Variants in NCKAP5 observed in about 807,000 individuals in gnomAD.
NCKAP5 encodes the protein NCK associated protein 5.
Under a neutral mutation model 167.0 loss-of-function variants are expected in NCKAP5, and 92 were observed. That is an observed-to-expected ratio of 0.55 (90% CI 0.47 to 0.66). NCKAP5 has a LOEUF of 0.66. NCKAP5 is among the 30% of genes least tolerant of loss of function. The pLI is 0.00. For synonymous variants in NCKAP5, 891 were observed against 877.4 expected (o/e 1.02, Z -0.27); for missense variants, 2,378 against 2,315.0 (o/e 1.03, Z -0.56).
intron 16 of NCKAP5, among the ~76,000 whole-genome samples, chr2:132,737,631 C>T (rs1390984125): frequency 6.6e-6 from 1 of 152,154 alleles, no homozygotes; most frequent in Non-Finnish European, 1.5e-5. Flanking sequence ...CTCCCTACTC[C>T]CAGCTGCCTC....
At chr2:133,631,210 A>T in the NCKAP5 span, among the ~76,000 whole-genome samples, 1 of 152,258 alleles carries the variant, frequency 6.6e-6, no homozygotes, top group Admixed American at 6.5e-5. Flanking sequence ...TATGGGTTAT[A>T]TCACAAATGG....
chr2:133,162,828 A>G (rs2083852559), intron 5 of NCKAP5, among the ~76,000 whole-genome samples: 1 of 152,202 alleles, frequency 6.6e-6, no homozygotes, highest in African/African-American at 2.4e-5. Context: ...CAGTTAAAAT[A>G]ACTGTGTGTT....
At chr2:132,831,686 G>A (rs1252082471) in intron 11 of NCKAP5, among the ~76,000 whole-genome samples, 7 of 151,600 alleles carry the variant, frequency 4.6e-5, no homozygotes, top group African/African-American at 7.3e-5. Flanking sequence ...CTTTATTTAC[G>A]ATGTCTTTTG....
At chr2:133,297,151 T>TA (rs1259519815) in intron 4 of NCKAP5, among the ~76,000 whole-genome samples, 5 of 150,924 alleles carry the variant, frequency 3.3e-5, no homozygotes, top group African/African-American at 9.8e-5. Flanking sequence ...CCTGAACTAG[T>TA]ATACAGGTTG....
intron 3 of NCKAP5, among the ~76,000 whole-genome samples, chr2:133,421,241 C>T (rs1220140360): frequency 6.6e-6 from 1 of 152,166 alleles, no homozygotes; most frequent in Non-Finnish European, 1.5e-5. Context: ...TTGTCTAATG[C>T]AGTTTTCCCT....
At chr2:133,518,350 T>A (rs1040497715) in intron 2 of NCKAP5, among the ~76,000 whole-genome samples, 2 of 112,880 alleles carry the variant, frequency 1.8e-5, no homozygotes, top group African/African-American at 6.6e-5. Flanking sequence ...AAGGATTTTT[T>A]TTTTTTTTTT....
chr2:132,802,662 G>A (rs1415384607), intron 11 of NCKAP5, among the ~76,000 whole-genome samples: 2 of 152,202 alleles, frequency 1.3e-5, no homozygotes, highest in African/African-American at 4.8e-5. Flanking sequence ...ACATAATCAG[G>A]TGAATAAGCT....
At chr2:133,470,819 C>T (rs938061915) in intron 3 of NCKAP5, among the ~76,000 whole-genome samples, 1 of 152,254 alleles carries the variant, frequency 6.6e-6, no homozygotes, top group Non-Finnish European at 1.5e-5. Flanking sequence ...AAAGGGAACT[C>T]CCTGACCCCT....
chr2:132,965,904 T>TTGTGTGTGTGTGTGTGTG (rs60589235), intron 7 of NCKAP5, among the ~76,000 whole-genome samples: 11 of 140,958 alleles, frequency 7.8e-5, no homozygotes, highest in African/African-American at 2.9e-4. Flanking sequence ...ACATGACTCT[T>TTGTGTGTGTGTGTGTGTG]TGTGTGTGTG....
chr2:133,427,226 G>T (rs1689869447), intron 3 of NCKAP5, among the ~76,000 whole-genome samples: 1 of 152,128 alleles, frequency 6.6e-6, no homozygotes, highest in Admixed American at 6.6e-5. Context: ...TAAAGACTAA[G>T]ATAACAGACA....
At chr2:133,261,843 C>T (rs1366149890) in intron 4 of NCKAP5, among the ~76,000 whole-genome samples, 2 of 152,124 alleles carry the variant, frequency 1.3e-5, no homozygotes, top group African/African-American at 4.8e-5. Context: ...TAGCTCTGAA[C>T]TAAAATGCTA....
chr2:133,608,552 A>G, the NCKAP5 span, among the ~76,000 whole-genome samples: 2 of 152,202 alleles, frequency 1.3e-5, no homozygotes, highest in African/African-American at 4.8e-5. Context: ...GAGTGACTCT[A>G]CATTAGTCAG....
the NCKAP5 span, among the ~76,000 whole-genome samples, chr2:133,663,384 C>T: frequency 3.9e-5 from 6 of 151,916 alleles, no homozygotes; most frequent in Non-Finnish European, 8.8e-5. Flanking sequence ...CAGGGTGGCG[C>T]TTTCTGAAGG....
At chr2:133,389,934 T>G (rs1000911789) in intron 3 of NCKAP5, among the ~76,000 whole-genome samples, 1 of 152,192 alleles carries the variant, frequency 6.6e-6, no homozygotes, top group Non-Finnish European at 1.5e-5. Flanking sequence ...GAGCAGAGCT[T>G]CCAGGCCACC....
chr2:132,681,465 C>T (rs780347420), intron 19 of NCKAP5, among the ~76,000 whole-genome samples: 14 of 151,482 alleles, frequency 9.2e-5, no homozygotes, highest in Non-Finnish European at 1.3e-4. Flanking sequence ...ATAAAAAGTC[C>T]GTGAACTTTT....
chr2:133,486,669 T>A (rs1212011209), intron 3 of NCKAP5, among the ~76,000 whole-genome samples: 1 of 152,214 alleles, frequency 6.6e-6, no homozygotes, highest in East Asian at 1.9e-4. Flanking sequence ...ATTTTGACTC[T>A]GTGACAGCTT....
chr2:133,532,246 G>A (rs1186881642), intron 2 of NCKAP5, among the ~76,000 whole-genome samples: 1 of 152,208 alleles, frequency 6.6e-6, no homozygotes, highest in East Asian at 1.9e-4. Context: ...CCAAAAGAAT[G>A]GGTATTAGTT....
At chr2:133,051,324 T>C (rs991184637) in intron 6 of NCKAP5, among the ~76,000 whole-genome samples, 1 of 152,174 alleles carries the variant, frequency 6.6e-6, no homozygotes, top group African/African-American at 2.4e-5. Flanking sequence ...GTAACTTTCT[T>C]ATACTGAACA....
At chr2:133,178,543 A>T (rs1232472729) in intron 5 of NCKAP5, among the ~76,000 whole-genome samples, 4 of 122,558 alleles carry the variant, frequency 3.3e-5, no homozygotes, top group African/African-American at 8.9e-5. Flanking sequence ...AAAAAAAAAA[A>T]GGCCAGGCGC....
Sources: allele counts gnomAD v4.1 joint callset (sites outside exome capture counted in the v4.1 genomes callset), GRCh38; gene constraint gnomAD v4.1.1; transcripts MANE v1.5; gene names NCBI Gene and HGNC (gene_info 2026-07-23, HGNC 2026-07-21).